Variants in TMEM132C observed in about 807,000 individuals in gnomAD.
TMEM132C encodes the protein transmembrane protein 132C.
In TMEM132C, 29 loss-of-function variants were observed where a neutral mutation model predicts 61.4. The ratio of observed to expected loss-of-function variants is 0.47; its 90% confidence interval spans 0.35 to 0.64. The LOEUF is 0.64. TMEM132C is among the 30% of genes least tolerant of loss of function. The pLI is 0.00. For synonymous variants in TMEM132C, 656 were observed against 633.1 expected, an observed-to-expected ratio of 1.04 and a Z score of -0.54; for missense variants, 1,408 against 1,476.9, an observed-to-expected ratio of 0.95 and a Z score of 0.76.
At chr12:128,658,522 T>C (rs971884034) in intron 4 of TMEM132C, among the ~76,000 whole-genome samples, 5 of 151,972 alleles carry the variant, frequency 3.3e-5, no homozygotes, top group Admixed American at 3.3e-4. Context: ...TTTTTTTTTT[T>C]CCTGTTCATA....
intron 2 of TMEM132C, among the ~76,000 whole-genome samples, chr12:128,537,596 T>C (rs145637437): frequency 1.1e-3 from 160 of 152,314 alleles, no homozygotes; most frequent in African/African-American, 3.6e-3. Context: ...ATTCTCAAAG[T>C]GTGAGAACTG....
intron 3 of TMEM132C, among the ~76,000 whole-genome samples, chr12:128,581,381 C>T (rs1214519890): frequency 2.0e-5 from 3 of 152,048 alleles, no homozygotes; most frequent in Admixed American, 1.3e-4. Context: ...TGGTGAGGCC[C>T]CTTGCAGACT....
chr12:128,347,029 G>A lies in TMEM132C; in HGVS notation c.86-67703G>A, dbSNP rs536328132. On this transcript the variant is annotated intron_variant, in intron 1 of 8. Transcript: ENST00000435159. ...TGAGATTGTGGTGCACTGGTCACCCGAGCAGTGTATACTGTACCCAATATG... is the reference window on the plus strand; with the variant it reads ...TGAGATTGTGGTGCACTGGTCACCCAAGCAGTGTATACTGTACCCAATATG... Among the ~76,000 whole-genome samples, 14 of 152,240 alleles carry A rather than the reference G, an allele frequency of 9.2e-5. No homozygotes were observed. In the South Asian group the frequency reaches 1.5e-3, roughly 16 times the overall value.
chr12:128,514,292 C>CA (rs1242319287), intron 2 of TMEM132C, among the ~76,000 whole-genome samples: 1 of 152,170 alleles, frequency 6.6e-6, no homozygotes, highest in African/African-American at 2.4e-5. Flanking sequence ...AGCAAGCACT[C>CA]AGAGAGCTCA....
chr12:128,683,170 C>T (rs943501084), intron 5 of TMEM132C, among the ~76,000 whole-genome samples: 5 of 152,178 alleles, frequency 3.3e-5, no homozygotes, highest in African/African-American at 1.2e-4. Flanking sequence ...CTTCCAACCC[C>T]CTTGTAAACA....
At chr12:128,361,390 G>A (rs931623578) in intron 1 of TMEM132C, among the ~76,000 whole-genome samples, 10 of 152,118 alleles carry the variant, frequency 6.6e-5, no homozygotes, top group South Asian at 2.1e-4. Context: ...ATGTCTTTTC[G>A]TCTATGTGGG....
rs935836090 is a variant in TMEM132C at position 128,516,517 on chromosome 12, G to T, written c.975-27440G>T. Among the ~76,000 whole-genome samples the T allele has an allele frequency of 2.6e-5, 4 of 152,140 alleles. No homozygotes were observed. The East Asian group carries it at 5.8e-4, about 22-fold the overall frequency. ...GAAGAGGGAGCTTTCTGGGCTGATG[G>T]TTATGTTCGGTGCCGTGATAGGAGT... is the stretch of plus-strand genomic sequence containing the variant. On this transcript the variant is annotated intron_variant, in intron 2 of 8. Coordinates refer to ENST00000435159, the MANE Select transcript of TMEM132C (RefSeq NM_001136103.3).
In TMEM132C at chr12:128,697,404, AC is replaced by A; in HGVS notation, c.2115del (p.Lys706AsnfsTer17). On this transcript the variant is annotated frameshift_variant, in exon 8 of 9. Transcript: ENST00000435159. LOFTEE classifies it low-confidence loss of function (END_TRUNC). ...AVVTAEEVLR[T>X]PKQEAVFSTW... ...GGTCACAGCTGAGGAGGTGCTGCGG[AC>A]CCCCAAACAGGTAGGGGGCCAAATG... The A allele has an allele frequency of 6.5e-7, 1 of 1,536,410 alleles. No individual in the cohort carries two copies. The highest frequency in any genetic ancestry group is 8.8e-7 in the Non-Finnish European group (1 of 1,135,392).
chr12:128,574,971 A>T (rs1875034435), intron 3 of TMEM132C, among the ~76,000 whole-genome samples: 1 of 152,190 alleles, frequency 6.6e-6, no homozygotes, highest in African/African-American at 2.4e-5. Flanking sequence ...TATAGCAGAG[A>T]TAACAGGTAA....
chr12:128,276,518 T>A lies in TMEM132C; in HGVS notation c.85+9031T>A, dbSNP rs892145758. 2.0e-5 allele frequency among the ~76,000 whole-genome samples: 3 copies of A among 152,138 alleles called. 1 individual carries two copies. Among genetic ancestry groups the A allele is most frequent in the African/African-American group, 7.2e-5 (3 of 41,416 alleles). ...GGCATAATTCCATCTGGCTTAGTGT[T>A]AGGATATTCTTGACACGATCTTAAG... On this transcript the variant is annotated intron_variant, in intron 1 of 8. Transcript: ENST00000435159.
At chr12:128,285,323 TATC>T (rs1286438654) in intron 1 of TMEM132C, among the ~76,000 whole-genome samples, 2 of 152,214 alleles carry the variant, frequency 1.3e-5, no homozygotes, top group Non-Finnish European at 2.9e-5. Context: ...TTTATCAGAA[TATC>T]ATATTGTACC....
At chr12:128,628,939 T>C (rs1427663296) in intron 4 of TMEM132C, among the ~76,000 whole-genome samples, 1 of 152,226 alleles carries the variant, frequency 6.6e-6, no homozygotes, top group Non-Finnish European at 1.5e-5. Flanking sequence ...CATAATTATG[T>C]CATCATTTGA....
At chr12:128,648,689 G>C (rs553671615) in intron 4 of TMEM132C, among the ~76,000 whole-genome samples, 45 of 151,578 alleles carry the variant, frequency 3.0e-4, no homozygotes, top group Non-Finnish European at 4.7e-4. Context: ...ATCAGCATTG[G>C]ATGTGAGTGT....
At chr12:128,321,143 AT>A (rs1194248501) in intron 1 of TMEM132C, among the ~76,000 whole-genome samples, 95 of 103,612 alleles carry the variant, frequency 9.2e-4, no homozygotes, top group Middle Eastern at 5.5e-3. Flanking sequence ...TTGAAAAATA[AT>A]AATAATAATA....
chr12:128,508,375 G>A (rs1212913064), intron 2 of TMEM132C, among the ~76,000 whole-genome samples: 2 of 152,210 alleles, frequency 1.3e-5, no homozygotes, highest in African/African-American at 4.8e-5. Context: ...GGGACACAGA[G>A]CCAAACCATA....
At chr12:128,644,378 G>T (rs1036575767) in intron 4 of TMEM132C, among the ~76,000 whole-genome samples, 1 of 151,962 alleles carries the variant, frequency 6.6e-6, no homozygotes, top group East Asian at 1.9e-4. Context: ...CAAATTTGTG[G>T]GTAGCCAAAG....
chr12:128,312,164 C>T (rs1181893257), intron 1 of TMEM132C, among the ~76,000 whole-genome samples: 1 of 152,046 alleles, frequency 6.6e-6, no homozygotes, highest in Non-Finnish European at 1.5e-5. Flanking sequence ...GAATATTGTT[C>T]CCCCCAAATC....
At chr12:128,279,509 C>T (rs79506005) in intron 1 of TMEM132C, among the ~76,000 whole-genome samples, 2,290 of 152,254 alleles carry the variant, frequency 0.015, 54 homozygotes, top group East Asian at 0.085. Flanking sequence ...ATCTACAAGG[C>T]GCTCTGTAAT....
At chr12:128,333,594 T>C (rs1872719517) in intron 1 of TMEM132C, among the ~76,000 whole-genome samples, 1 of 138,848 alleles carries the variant, frequency 7.2e-6, no homozygotes, top group African/African-American at 3.4e-5. Context: ...TGTGTGATGT[T>C]GTGTGTATTT....
Sources: gnomAD v4.1 joint callset for allele counts (sites outside exome capture counted in the v4.1 genomes callset) on GRCh38, gnomAD v4.1.1 for gene constraint, MANE v1.5 for transcripts, NCBI Gene and HGNC (gene_info 2026-07-23, HGNC 2026-07-21) for gene names.